Variants in NALF1 observed in about 807,000 individuals in gnomAD.
NALF1 encodes the protein NALCN channel auxiliary factor 1, also known as family with sequence similarity 155 member A.
Under a neutral mutation model 48.4 loss-of-function variants are expected in NALF1, and 3 were observed. That is an observed-to-expected ratio of 0.06 (90% confidence interval 0.03 to 0.16). The LOEUF (loss-of-function observed/expected upper bound fraction) is 0.16, where lower values mean the gene tolerates loss of function less well. NALF1 is among the 10% of genes least tolerant of loss of function. NALF1 has a pLI of 1.00. For missense variants in NALF1, 526 were observed against 571.5 expected (o/e 0.92, Z 0.81); for synonymous variants, 262 against 245.7 (o/e 1.07, Z -0.62).
chr13:107,430,088 C>T (rs1884350428), intron 1 of NALF1, among the ~76,000 whole-genome samples: 1 of 152,156 alleles, frequency 6.6e-6, no homozygotes, highest in African/African-American at 2.4e-5. Context: ...AGAATATATT[C>T]CCAGCAGGGA....
At chr13:107,481,945 T>G (rs1446931818) in intron 1 of NALF1, among the ~76,000 whole-genome samples, 1 of 152,178 alleles carries the variant, frequency 6.6e-6, no homozygotes, top group Non-Finnish European at 1.5e-5. Flanking sequence ...TATCCTTAAT[T>G]CTGCCATTTG....
At chr13:107,793,482 T>C (rs76761500) in intron 1 of NALF1, among the ~76,000 whole-genome samples, 2,719 of 152,324 alleles carry the variant, frequency 0.018, 91 homozygotes, top group African/African-American at 0.062. Context: ...CAAAATGCTA[T>C]TGTGAACATT....
chr13:107,739,811 G>A (rs1876580999), intron 1 of NALF1, among the ~76,000 whole-genome samples: 1 of 152,220 alleles, frequency 6.6e-6, no homozygotes, highest in Non-Finnish European at 1.5e-5. Context: ...GCATCCTGTC[G>A]CATCGGTGGC....
At position 107,315,888 on chromosome 13, in the gene NALF1, T is replaced by G. The variant is rs184578542; in HGVS notation, c.916-105133A>C. On this transcript the variant is annotated intron_variant, in intron 1 of 2. Coordinates refer to ENST00000375915, the MANE Select transcript of NALF1 (RefSeq NM_001080396.3). Reference sequence around the variant, plus strand: ...CCCAAAATATCTTATTTTTTATAGATATATATATATATTTATTTATTTATT... The same window carrying G: ...CCCAAAATATCTTATTTTTTATAGAGATATATATATATTTATTTATTTATT... Among the ~76,000 whole-genome samples, 484 of 149,172 alleles carry G rather than the reference T, an allele frequency of 3.2e-3. 4 individuals carry two copies. Among genetic ancestry groups the G allele is most frequent in the African/African-American group, 0.011 (437 of 40,882 alleles).
chr13:107,617,432 C>T (rs1345869201), intron 1 of NALF1, among the ~76,000 whole-genome samples: 1 of 152,236 alleles, frequency 6.6e-6, no homozygotes, highest in East Asian at 1.9e-4. Context: ...AGAAGAACAA[C>T]ATCCTTCCTA....
intron 1 of NALF1, among the ~76,000 whole-genome samples, chr13:107,700,890 T>G (rs3909000): frequency 0.67 from 102,204 of 151,890 alleles, 34,664 homozygotes; most frequent in East Asian, 0.85. Flanking sequence ...TATGAAAAGG[T>G]GCTCAACATC....
intron 2 of NALF1, among the ~76,000 whole-genome samples, chr13:107,198,210 A>T (rs1013171028): frequency 3.3e-5 from 5 of 152,172 alleles, no homozygotes; most frequent in Admixed American, 6.5e-5. Flanking sequence ...CAGAGGAAAA[A>T]TTCCCTAACT....
chr13:107,531,990 A>T (rs1413598617), intron 1 of NALF1, among the ~76,000 whole-genome samples: 3 of 152,236 alleles, frequency 2.0e-5, no homozygotes, highest in African/African-American at 7.2e-5. Flanking sequence ...AACGCAGCTG[A>T]ATTTGCATAC....
chr13:107,695,652 A>G (rs539802658), intron 1 of NALF1, among the ~76,000 whole-genome samples: 1 of 152,336 alleles, frequency 6.6e-6, no homozygotes, highest in Non-Finnish European at 1.5e-5. Flanking sequence ...AGAGAGAATG[A>G]GCAAATAATA....
chr13:107,258,062 C>T lies in NALF1; in HGVS notation c.916-47307G>A, dbSNP rs530351363. The stretch of plus-strand genomic sequence containing the variant: ...TCCAGTTCATATTGAATGGGAGTAG[C>T]TTTGGGAGAAGATAATTTGCTTCAC... On this transcript the variant is annotated intron_variant, in intron 1 of 2. Transcript: ENST00000375915. Among the ~76,000 whole-genome samples the T allele has an allele frequency of 4.6e-5, 7 of 152,198 alleles. No individual in the cohort carries two copies. The East Asian group carries it at 1.4e-3, about 29-fold the overall frequency.
At chr13:107,506,944 T>G (rs1232412793) in intron 1 of NALF1, among the ~76,000 whole-genome samples, 1 of 152,066 alleles carries the variant, frequency 6.6e-6, no homozygotes, top group Non-Finnish European at 1.5e-5. Context: ...AAGAAACATC[T>G]ATTTTTAAAA....
chr13:107,620,989 C>T (rs569131053), intron 1 of NALF1, among the ~76,000 whole-genome samples: 177 of 149,800 alleles, frequency 1.2e-3, no homozygotes, highest in African/African-American at 3.9e-3. Context: ...TGAGTGTGTG[C>T]GTGTGTGTGT....
chr13:107,522,428 C>A (rs1297777346), intron 1 of NALF1, among the ~76,000 whole-genome samples: 2 of 152,008 alleles, frequency 1.3e-5, no homozygotes, highest in African/African-American at 4.8e-5. Flanking sequence ...TCATCCATCC[C>A]TAAAGTTTCA....
intron 1 of NALF1, among the ~76,000 whole-genome samples, chr13:107,266,618 T>A (rs1484567004): frequency 6.6e-6 from 1 of 152,116 alleles, no homozygotes; most frequent in Non-Finnish European, 1.5e-5. Context: ...TACACAAACA[T>A]AAATACTTAT....
chr13:107,639,394 G>C (rs1304506161), intron 1 of NALF1, among the ~76,000 whole-genome samples: 1 of 152,074 alleles, frequency 6.6e-6, no homozygotes, highest in Non-Finnish European at 1.5e-5. Flanking sequence ...TAGTTCTGTA[G>C]ACACTCCATG....
At chr13:107,346,817 A>C (rs1351494022) in intron 1 of NALF1, among the ~76,000 whole-genome samples, 1 of 152,210 alleles carries the variant, frequency 6.6e-6, no homozygotes, top group Non-Finnish European at 1.5e-5. Context: ...CAGCCACATG[A>C]GGACAATCTA....
chr13:107,324,944 CCTT>C (rs938606860), intron 1 of NALF1, among the ~76,000 whole-genome samples: 1 of 152,094 alleles, frequency 6.6e-6, no homozygotes, highest in African/African-American at 2.4e-5. Flanking sequence ...TTCACTTTAG[CCTT>C]CTGAAATGAT....
At chr13:107,255,456 G>A (rs1880794398) in intron 1 of NALF1, among the ~76,000 whole-genome samples, 1 of 151,992 alleles carries the variant, frequency 6.6e-6, no homozygotes, top group African/African-American at 2.4e-5. Context: ...ATTAACAGCC[G>A]GACCCTGCCC....
intron 1 of NALF1, among the ~76,000 whole-genome samples, chr13:107,482,803 C>T (rs1885273807): frequency 6.6e-6 from 1 of 152,052 alleles, no homozygotes; most frequent in African/African-American, 2.4e-5. Context: ...AAACGCAGTC[C>T]CAAAGCAGTT....
Sources: gnomAD v4.1 joint callset for allele counts (sites outside exome capture counted in the v4.1 genomes callset) on GRCh38, gnomAD v4.1.1 for gene constraint, MANE v1.5 for transcripts, NCBI Gene and HGNC (gene_info 2026-07-23, HGNC 2026-07-21) for gene names.